EIPR1: variants seen among roughly 807,000 people sequenced by gnomAD.
The protein encoded by EIPR1 is EARP complex and GARP complex interacting protein 1.
EIPR1 carries 25 observed loss-of-function variants against 48.1 expected under a neutral mutation model. The observed-to-expected ratio is 0.52, with a 90% CI of 0.38 to 0.73. The LOEUF (loss-of-function observed/expected upper bound fraction) is 0.73, where lower values mean the gene tolerates loss of function less well. Ranked by LOEUF, EIPR1 falls within the 30% of genes least tolerant of loss-of-function variation. The pLI is 0.00. For synonymous variants in EIPR1, 204 were observed against 201.9 expected (o/e 1.01, Z -0.09); for missense variants, 415 against 506.2 (o/e 0.82, Z 1.73).
chr2:3,236,590 C>T (rs558429514), intron 4 of EIPR1, among the ~76,000 whole-genome samples: 76 of 152,298 alleles, frequency 5.0e-4, no homozygotes, highest in African/African-American at 1.8e-3. Context: ...ACCAGGCAGG[C>T]CAGGTACCAT....
chr2:3,331,141 G>A (rs572644753), intron 3 of EIPR1, among the ~76,000 whole-genome samples: 3 of 125,898 alleles, frequency 2.4e-5, no homozygotes, highest in East Asian at 2.7e-4. Flanking sequence ...AGAAGCAGGC[G>A]TGTGCACACT....
chr2:3,215,940 T>G (rs907064765), intron 4 of EIPR1, among the ~76,000 whole-genome samples: 1 of 152,228 alleles, frequency 6.6e-6, no homozygotes. Flanking sequence ...CTATTCATAA[T>G]AAACACATAA....
intron 4 of EIPR1, among the ~76,000 whole-genome samples, chr2:3,248,300 T>C (rs1367092266): frequency 6.6e-6 from 1 of 151,986 alleles, no homozygotes; most frequent in East Asian, 1.9e-4. Flanking sequence ...ACACAAAAAC[T>C]AGCCGGGCAT....
intron 3 of EIPR1, chr2:3,274,535 A>G: frequency 5.2e-6 from 7 of 1,336,646 alleles, no homozygotes; most frequent in Non-Finnish European, 6.8e-6. Flanking sequence ...ATATTTTTAA[A>G]ACCATGAGAA....
chr2:3,259,394 C>G (rs929854297), intron 3 of EIPR1, among the ~76,000 whole-genome samples: 2 of 152,282 alleles, frequency 1.3e-5, no homozygotes, highest in South Asian at 4.1e-4. Context: ...ACTATATCCA[C>G]GTTGCCCTCA....
At chr2:3,228,072 G>A (rs1388453109) in intron 4 of EIPR1, among the ~76,000 whole-genome samples, 1 of 152,258 alleles carries the variant, frequency 6.6e-6, no homozygotes, top group Non-Finnish European at 1.5e-5. Context: ...GCTGTGAGAA[G>A]AGGGCCACCA....
intron 4 of EIPR1, among the ~76,000 whole-genome samples, chr2:3,228,844 GCTT>G (rs1349728093): frequency 6.6e-6 from 1 of 152,172 alleles, no homozygotes; most frequent in African/African-American, 2.4e-5. Context: ...GAAGGTGCCT[GCTT>G]CTTCTTTGCG....
intron 1 of EIPR1, chr2:3,377,232 A>G (rs757170380): frequency 1.4e-4 from 25 of 176,220 alleles, no homozygotes; most frequent in Admixed American, 1.1e-3. Context: ...AGGGTAAAGA[A>G]GAACTTTCTA....
chr2:3,206,714 C>T (rs1665248395), intron 5 of EIPR1, among the ~76,000 whole-genome samples: 1 of 152,146 alleles, frequency 6.6e-6, no homozygotes. Flanking sequence ...TTTACACACT[C>T]AAAATTGGAA....
At chr2:3,294,912 T>TGC (rs1161746038) in intron 3 of EIPR1, among the ~76,000 whole-genome samples, 1 of 38,864 alleles carries the variant, frequency 2.6e-5, no homozygotes, top group Non-Finnish European at 4.8e-5. Flanking sequence ...ATTCTCTCCC[T>TGC]GCACACACAC....
chr2:3,370,297 G>A (rs1671082406), intron 1 of EIPR1, among the ~76,000 whole-genome samples: 1 of 152,164 alleles, frequency 6.6e-6, no homozygotes, highest in Non-Finnish European at 1.5e-5. Flanking sequence ...AAAAAACAGA[G>A]CAGAAAAACT....
intron 5 of EIPR1, among the ~76,000 whole-genome samples, chr2:3,201,171 C>T (rs550155698): frequency 6.6e-6 from 1 of 152,168 alleles, no homozygotes; most frequent in African/African-American, 2.4e-5. Flanking sequence ...GCCTGGCTCC[C>T]GTATGTGCAC....
At chr2:3,244,810 C>T (rs1223185006) in intron 4 of EIPR1, among the ~76,000 whole-genome samples, 4 of 152,188 alleles carry the variant, frequency 2.6e-5, no homozygotes, top group African/African-American at 4.8e-5. Context: ...TGGACTAAGG[C>T]GTTTTCTGAG....
chr2:3,230,834 T>G lies in EIPR1; in HGVS notation c.417-16586A>C, dbSNP rs554935648. 1.4e-4 allele frequency among the ~76,000 whole-genome samples: 21 copies of G among 152,334 alleles called. No homozygotes were observed. The South Asian group carries it at 4.4e-3, about 32-fold the overall frequency. On this transcript the variant is annotated intron_variant, in intron 4 of 8. Coordinates refer to ENST00000382125, the MANE Select transcript of EIPR1 (RefSeq NM_003310.5). The stretch of plus-strand genomic sequence containing the variant: ...CTCAAAGTCTACTTATTCAAGGTAT[T>G]TTGGGGTTCCATATGAATTTCAGGA...
rs1263509621 is a variant in EIPR1, at chr2:3,336,866, AAAAGG to A, written c.259+1146_259+1150del. ...AGGAAGGGAAAAGGGAAGGGAAGGG[AAAAGG>A]GAAGGGAAGGGAAAAGGGAAGGGAA... On this transcript the variant is annotated intron_variant, in intron 3 of 8. Transcript: ENST00000382125. Among the ~76,000 whole-genome samples the A allele has an allele frequency of 1.6e-4, 21 of 128,886 alleles. No homozygotes were observed. In the Admixed American group the frequency reaches 1.6e-3, roughly 10 times the overall value. The allele number at this position is 128,886 out of a possible 152,430, so 84.6% of individuals were successfully genotyped here.
At chr2:3,228,312 G>T (rs1456963736) in intron 4 of EIPR1, among the ~76,000 whole-genome samples, 1 of 152,252 alleles carries the variant, frequency 6.6e-6, no homozygotes, top group Non-Finnish European at 1.5e-5. Flanking sequence ...TTTAATGACT[G>T]CTCTGTTGGA....
chr2:3,238,747 G>A (rs1020971963), intron 4 of EIPR1, among the ~76,000 whole-genome samples: 8 of 152,236 alleles, frequency 5.3e-5, no homozygotes, highest in Admixed American at 1.3e-4. Flanking sequence ...ACATGAGTGT[G>A]AAGAGAAAGG....
In EIPR1 at chr2:3,235,541, C is replaced by T. The variant is rs115759570; in HGVS notation, c.417-21293G>A. 7.2e-3 allele frequency among the ~76,000 whole-genome samples: 1,092 copies of T among 152,340 alleles called. 14 individuals carry two copies. Among genetic ancestry groups the T allele is most frequent in the African/African-American group, 0.025 (1,056 of 41,574 alleles). ...AAGTGGGCCAGGTCCTTCAGGTCCA[C>T]GCTACAGCACTGCCTAATTTTTCAA... On this transcript the variant is annotated intron_variant, in intron 4 of 8. Transcript: ENST00000382125.
chr2:3,368,442 G>A (rs1424479636), intron 1 of EIPR1, among the ~76,000 whole-genome samples: 1 of 152,130 alleles, frequency 6.6e-6, no homozygotes, highest in African/African-American at 2.4e-5. Flanking sequence ...GTTGGCAGAT[G>A]TAGCCCTCAC....
Sources: allele counts gnomAD v4.1 joint callset (sites outside exome capture counted in the v4.1 genomes callset), GRCh38; gene constraint gnomAD v4.1.1; transcripts MANE v1.5; gene names NCBI Gene and HGNC (gene_info 2026-07-23, HGNC 2026-07-21).